The following DDC variants were observed in gnomAD, a reference collection of about 807,000 sequenced individuals.
DDC encodes the protein dopa decarboxylase.
A neutral mutation model predicts 60.0 loss-of-function variants in DDC; 43 were observed. That is an observed-to-expected ratio of 0.72 (90% CI 0.56 to 0.92). The LOEUF (loss-of-function observed/expected upper bound fraction) is 0.92, where lower values mean the gene tolerates loss of function less well. Ranked by LOEUF, DDC falls within the 40% of genes least tolerant of loss-of-function variation. The probability of loss-of-function intolerance (pLI) is 0.00; values close to 1 mark genes in which losing one functional copy is unlikely to be tolerated. For missense variants in DDC, 573 were observed against 620.2 expected (o/e 0.92, Z 0.81); for synonymous variants, 232 against 234.6 (o/e 0.99, Z 0.10).
chr7:50,555,205 T>G (rs1211533881), intron 1 of DDC, among the ~76,000 whole-genome samples: 1 of 151,800 alleles, frequency 6.6e-6, no homozygotes, highest in Non-Finnish European at 1.5e-5. Flanking sequence ...AGCCTCCCAC[T>G]AAACCTCCCA....
At position 50,494,680 on chromosome 7, in the gene DDC, T is replaced by G. The variant is rs551403052; in HGVS notation, c.944+670A>C. On this transcript the variant is annotated intron_variant, in intron 9 of 14. Transcript: ENST00000444124. ...TATTTTTCTTTCGCGAATACTTTTT[T>G]TTTTGAGACAGAGTCTTGTCGCCAA... Among the ~76,000 whole-genome samples the G allele has an allele frequency of 2.0e-4, 30 of 152,142 alleles. No homozygotes were observed. In the South Asian group the frequency reaches 6.2e-3, roughly 32 times the overall value.
chr7:50,459,219 G>T (rs533964482), intron 14 of DDC, among the ~76,000 whole-genome samples: 49 of 152,332 alleles, frequency 3.2e-4, no homozygotes, highest in Middle Eastern at 3.4e-3. Context: ...TCGGCCTCCC[G>T]AGGTGCCGGG....
intron 6 of DDC, among the ~76,000 whole-genome samples, chr7:50,514,855 G>C (rs7807564): frequency 0.73 from 110,621 of 152,014 alleles, 40,547 homozygotes; most frequent in East Asian, 0.8. Flanking sequence ...TTGAATTAAC[G>C]CAATCCAACA....
chr7:50,475,308 A>AT (rs2042617126), intron 11 of DDC, among the ~76,000 whole-genome samples: 1 of 152,252 alleles, frequency 6.6e-6, no homozygotes. Flanking sequence ...TTTCCAAAAG[A>AT]TAAGTCAGAT....
chr7:50,486,849 G>T (rs2042889433), intron 9 of DDC, among the ~76,000 whole-genome samples: 1 of 152,122 alleles, frequency 6.6e-6, no homozygotes, highest in Non-Finnish European at 1.5e-5. Flanking sequence ...CAGCTAAAAG[G>T]TTAAATATCT....
intron 1 of DDC, among the ~76,000 whole-genome samples, chr7:50,550,513 T>G (rs1478209014): frequency 1.3e-5 from 2 of 152,194 alleles, no homozygotes; most frequent in African/African-American, 4.8e-5. Flanking sequence ...AAAGTTTATT[T>G]TGCCAAGGTT....
intron 6 of DDC, among the ~76,000 whole-genome samples, chr7:50,509,673 G>C (rs2043495519): frequency 2.0e-5 from 3 of 152,172 alleles, no homozygotes; most frequent in Non-Finnish European, 4.4e-5. Context: ...ATGAATGAAT[G>C]AATGAGTCAT....
At chr7:50,481,037 C>A (rs2042757105) in intron 9 of DDC, among the ~76,000 whole-genome samples, 1 of 152,122 alleles carries the variant, frequency 6.6e-6, no homozygotes, top group Non-Finnish European at 1.5e-5. Flanking sequence ...ATCCTAAGGG[C>A]AAACTAGAGA....
rs934370936 is a variant in DDC, at chr7:50,527,427, T to A, written c.714+710A>T. 2.6e-5 allele frequency among the ~76,000 whole-genome samples: 4 copies of A among 152,264 alleles called. No individual in the cohort carries two copies. The South Asian group carries it at 8.3e-4, about 32-fold the overall frequency. ...TATAGGTTCAAAGAAATTCACCTTA[T>A]TTAAATAGAATCTATTCAAATTGTA... On this transcript the variant is annotated intron_variant, in intron 6 of 14. Transcript: ENST00000444124.
intron 9 of DDC, among the ~76,000 whole-genome samples, chr7:50,490,851 C>A (rs2042984324): frequency 6.6e-6 from 1 of 152,210 alleles, no homozygotes; most frequent in Non-Finnish European, 1.5e-5. Context: ...TCAAGCCAAT[C>A]ATAATAGAAC....
chr7:50,485,411 A>T (rs1034428971), intron 9 of DDC, among the ~76,000 whole-genome samples: 5 of 152,230 alleles, frequency 3.3e-5, no homozygotes, highest in Admixed American at 6.5e-5. Flanking sequence ...AAAGAGTACA[A>T]CCAAAGTGTT....
chr7:50,517,925 T>C (rs2122821), intron 6 of DDC, among the ~76,000 whole-genome samples: 110,250 of 151,230 alleles, frequency 0.73, 40,427 homozygotes, highest in East Asian at 0.8. Context: ...AAATCATAGA[T>C]GGGGCCGGGC....
At chr7:50,553,198 G>T (rs1267993761) in intron 1 of DDC, among the ~76,000 whole-genome samples, 1 of 152,180 alleles carries the variant, frequency 6.6e-6, no homozygotes, top group Non-Finnish European at 1.5e-5. Context: ...GTTCATGCAC[G>T]CAAGACATGA....
At chr7:50,463,057 C>G (rs551568862) in intron 14 of DDC, among the ~76,000 whole-genome samples, 156 bp downstream of exon 14, 169 of 152,328 alleles carry the variant, frequency 1.1e-3, no homozygotes, top group Non-Finnish European at 1.7e-3. Flanking sequence ...CGTGAGCCAC[C>G]GCACCCGGCC....
chr7:50,528,980 CAG>C (rs1211211287), intron 5 of DDC, among the ~76,000 whole-genome samples: 1 of 152,178 alleles, frequency 6.6e-6, no homozygotes, highest in East Asian at 1.9e-4. Flanking sequence ...GAAAAGGTGA[CAG>C]AGCCAGTCGC....
At position 50,492,029 on chromosome 7, in the gene DDC, A is replaced by C. The variant is rs139845033; in HGVS notation, c.944+3321T>G. ...CTAATCCAATGTGACTGGTGTCCTT[A>C]TAAGAAGAGAAAATTTGGACACAGG... On this transcript the variant is annotated intron_variant, in intron 9 of 14. Transcript: ENST00000444124. Among the ~76,000 whole-genome samples the C allele has an allele frequency of 2.2e-3, 328 of 152,332 alleles. 1 individual carries two copies. Among genetic ancestry groups the C allele is most frequent in the African/African-American group, 7.6e-3 (317 of 41,574 alleles).
chr7:50,513,177 G>A (rs1227418530), intron 6 of DDC, among the ~76,000 whole-genome samples: 1 of 152,218 alleles, frequency 6.6e-6, no homozygotes, highest in African/African-American at 2.4e-5. Context: ...GCAGAAGCGG[G>A]AAAGGGAGAC....
intron 6 of DDC, among the ~76,000 whole-genome samples, chr7:50,511,685 C>T (rs543943799): frequency 1.2e-4 from 18 of 151,988 alleles, no homozygotes; most frequent in African/African-American, 2.7e-4. Context: ...GCCAAGATCG[C>T]GCCACTGCAC....
intron 1 of DDC, among the ~76,000 whole-genome samples, chr7:50,563,614 T>A (rs549879372): frequency 6.6e-6 from 1 of 152,262 alleles, no homozygotes; most frequent in South Asian, 2.1e-4. Flanking sequence ...ATTATTATTA[T>A]TTCTTGAGAC....
Sources: allele counts gnomAD v4.1 joint callset (sites outside exome capture counted in the v4.1 genomes callset), GRCh38; gene constraint gnomAD v4.1.1; transcripts MANE v1.5; gene names NCBI Gene and HGNC (gene_info 2026-07-23, HGNC 2026-07-21).